Variants in KIF11 observed in about 807,000 individuals in gnomAD.
The protein encoded by KIF11 is kinesin family member 11.
In KIF11, 9 loss-of-function variants were observed where a neutral mutation model predicts 121.0. That is an observed-to-expected ratio of 0.07 (90% CI 0.04 to 0.13). The LOEUF (loss-of-function observed/expected upper bound fraction) is 0.13, where lower values mean the gene tolerates loss of function less well. Among genes scored for constraint, KIF11 ranks in the 10% least tolerant of loss-of-function variants. The pLI, the probability that KIF11 is intolerant of heterozygous loss-of-function variation, is 1.00. For synonymous variants in KIF11, 408 were observed against 421.0 expected, an observed-to-expected ratio of 0.97 and a Z score of 0.38; for missense variants, 846 against 1,217.5, an observed-to-expected ratio of 0.69 and a Z score of 4.54.
chr10:92,629,413 T>C (rs1844712943), intron 11 of KIF11, among the ~76,000 whole-genome samples: 1 of 152,192 alleles, frequency 6.6e-6, no homozygotes, highest in Non-Finnish European at 1.5e-5. Flanking sequence ...AATAAAACAT[T>C]ACAAGAAATT....
Position 92,651,688 on chromosome 10 carries a change from T to G in KIF11, c.3039+1171T>G, listed in dbSNP as rs1844987183. Among the ~76,000 whole-genome samples the G allele has an allele frequency of 2.0e-5, 3 of 151,884 alleles. No individual in the cohort carries two copies. In the South Asian group the frequency reaches 6.2e-4, roughly 32 times the overall value. On this transcript the variant is annotated intron_variant, in intron 21 of 21. Transcript: ENST00000260731. ...GCCCCTCCTACCCACTTTTTAACAC[T>G]GTTGAGAACATAGTTGGTTTATGAT...
At chr10:92,641,038 G>A (rs1844860392) in intron 17 of KIF11, among the ~76,000 whole-genome samples, 1 of 152,198 alleles carries the variant, frequency 6.6e-6, no homozygotes, top group Non-Finnish European at 1.5e-5. Context: ...GTGAGTCACT[G>A]CTCCCAGCCT....
intron 21 of KIF11, among the ~76,000 whole-genome samples, chr10:92,652,630 T>G (rs1446198205): frequency 6.6e-6 from 1 of 152,230 alleles, no homozygotes; most frequent in Non-Finnish European, 1.5e-5. Context: ...ACTATAAATA[T>G]GTTTCTTTCA....
intron 1 of KIF11, among the ~76,000 whole-genome samples, chr10:92,599,439 C>T (rs1342554620): frequency 3.3e-5 from 5 of 149,324 alleles, no homozygotes; most frequent in Non-Finnish European, 7.4e-5. Context: ...GCAGGAGAAT[C>T]GCTTGAACCT....
In KIF11 at chr10:92,644,902, AATT is replaced by A. The variant is rs1844903082; in HGVS notation, c.2268-456_2268-454del. 2.6e-5 allele frequency among the ~76,000 whole-genome samples: 4 copies of A among 152,216 alleles called. No individual in the cohort carries two copies. The South Asian group carries it at 8.3e-4, about 32-fold the overall frequency. On this transcript the variant is annotated intron_variant, in intron 17 of 21. Coordinates refer to ENST00000260731, the MANE Select transcript of KIF11 (RefSeq NM_004523.4). ...ATTTGTCACACCCCAATATAATTTT[AATT>A]ATTAGAAAGCTTTATAGCTAATTTA...
chr10:92,652,867 G>A (rs1467899647), intron 21 of KIF11, among the ~76,000 whole-genome samples: 1 of 152,160 alleles, frequency 6.6e-6, no homozygotes. Context: ...CTTTTCCCTA[G>A]TAGCAGTGTG....
At chr10:92,611,720 G>A (rs1438658190) in intron 6 of KIF11, among the ~76,000 whole-genome samples, 2 of 151,962 alleles carry the variant, frequency 1.3e-5, no homozygotes, top group African/African-American at 2.4e-5. Context: ...CCAACGTGGT[G>A]AAACCCCGTC....
chr10:92,649,033 G>T (rs1449315918), intron 19 of KIF11, among the ~76,000 whole-genome samples: 1 of 152,060 alleles, frequency 6.6e-6, no homozygotes, highest in Non-Finnish European at 1.5e-5. Flanking sequence ...TATGGTAATG[G>T]TTGCACACCC....
At chr10:92,605,549 C>T (rs893523296) in intron 1 of KIF11, among the ~76,000 whole-genome samples, 1 of 139,876 alleles carries the variant, frequency 7.1e-6, no homozygotes, top group Admixed American at 7.6e-5. Flanking sequence ...TGCAATGGCG[C>T]GATCTTGGCT....
At chr10:92,605,855 C>T (rs906302756) in intron 1 of KIF11, among the ~76,000 whole-genome samples, 1 of 148,154 alleles carries the variant, frequency 6.7e-6, no homozygotes, top group Admixed American at 6.7e-5. Flanking sequence ...CAAGTTAAAA[C>T]CTGTTAGTGG....
intron 1 of KIF11, among the ~76,000 whole-genome samples, chr10:92,595,579 CATAAT>C (rs1424636574): frequency 2.6e-5 from 4 of 152,132 alleles, no homozygotes; most frequent in Non-Finnish European, 5.9e-5. Context: ...TTCAAACACA[CATAAT>C]ATAAAATTTA....
At chr10:92,606,588 T>TG in intron 2 of KIF11, 31 bp from the exon 3 acceptor site, 1 of 1,272,326 alleles carries the variant, frequency 7.9e-7, no homozygotes, top group Admixed American at 2.3e-5. Flanking sequence ...ATTTTGAGGT[T>TG]GATTTTTTTT....
chr10:92,596,716 G>A (rs1844300866), intron 1 of KIF11: 1 of 152,356 alleles, frequency 6.6e-6, no homozygotes, highest in South Asian at 2.1e-4. Context: ...AAATTGGTTT[G>A]CTTTTTTGTT....
chr10:92,627,062 G>C (rs1337055992), intron 10 of KIF11, among the ~76,000 whole-genome samples: 1 of 152,112 alleles, frequency 6.6e-6, no homozygotes, highest in Non-Finnish European at 1.5e-5. Context: ...GCGCCTGGCT[G>C]TAGAAGATCC....
chr10:92,628,125 C>T (rs1844699198), intron 10 of KIF11, among the ~76,000 whole-genome samples: 1 of 152,084 alleles, frequency 6.6e-6, no homozygotes, highest in Non-Finnish European at 1.5e-5. Context: ...TTTTTATCAT[C>T]ATGACTTGGA....
chr10:92,627,243 A>G (rs1844689752), intron 10 of KIF11, among the ~76,000 whole-genome samples: 1 of 152,202 alleles, frequency 6.6e-6, no homozygotes, highest in Non-Finnish European at 1.5e-5. Context: ...GAAATAGAAA[A>G]TTGTTGGTTG....
chr10:92,654,454 G>C lies in KIF11; in HGVS notation c.*658G>C, dbSNP rs1040859998. On this transcript the variant is annotated 3_prime_UTR_variant, in exon 22 of 22. Coordinates refer to ENST00000260731, the MANE Select transcript of KIF11 (RefSeq NM_004523.4). ...TAAATATCACCAACATCTGTCCTTA[G>C]AAAGGACCATCTCATGTTTTTTTTC... 8 of 152,160 alleles carry C rather than the reference G, an allele frequency of 5.3e-5. No individual in the cohort carries two copies. Among genetic ancestry groups the C allele is most frequent in the African/African-American group, 1.9e-4 (8 of 41,426 alleles). The allele number at this position is 152,160 out of a possible 1,614,324, so 9.4% of individuals were successfully genotyped here. A position where few individuals can be genotyped will look rare whatever the true frequency, so the allele number is the denominator to read the frequency against.
At position 92,613,673 on chromosome 10, in the gene KIF11, T is replaced by C. The variant is rs1844519383; in HGVS notation, c.1032+54T>C. The C allele has an allele frequency of 2.0e-5, 31 of 1,519,072 alleles. No individual in the cohort carries two copies. Among genetic ancestry groups the C allele is most frequent in the Non-Finnish European group, 2.7e-5 (30 of 1,127,354 alleles). 94.1% of individuals were successfully genotyped at this position (1,519,072 alleles called of 1,614,324 possible). On this transcript the variant is annotated intron_variant, in intron 8 of 21. Transcript: ENST00000260731. This position sits in a 1 kb window ranked among gnomAD's most constrained non-coding sequence, Gnocchi z 4.2. ...GTAGTAGCTGTAATTCTTATTTGGC[T>C]ATTATATATTTTAAAAGTTCATTTA...
chr10:92,646,932 A>G (rs952585734), intron 18 of KIF11, among the ~76,000 whole-genome samples: 3 of 152,202 alleles, frequency 2.0e-5, no homozygotes, highest in Non-Finnish European at 4.4e-5. Flanking sequence ...TAGAATTAAT[A>G]TATCACCAGT....
Sources: gnomAD v4.1 joint callset for allele counts (sites outside exome capture counted in the v4.1 genomes callset) on GRCh38, gnomAD v4.1.1 for gene constraint, Gnocchi (gnomAD v3.1) non-coding constraint, MANE v1.5 for transcripts, NCBI Gene and HGNC (gene_info 2026-07-23, HGNC 2026-07-21) for gene names.